BMAL2: variants seen among roughly 807,000 people sequenced by gnomAD.
BMAL2 encodes the protein basic helix-loop-helix ARNT-like protein 2.
the BMAL2 span, among the ~76,000 whole-genome samples, chr12:27,392,004 G>C: frequency 6.6e-6 from 1 of 152,180 alleles, no homozygotes; most frequent in Admixed American, 6.5e-5. Context: ...CTTGCTAGCT[G>C]TGTGATCGTA....
At chr12:27,408,228 C>T in the BMAL2 span, among the ~76,000 whole-genome samples, 2 of 152,144 alleles carry the variant, frequency 1.3e-5, no homozygotes, top group Non-Finnish European at 2.9e-5. Context: ...AGGGAATCCT[C>T]CCTAACTAAT....
the BMAL2 span, among the ~76,000 whole-genome samples, chr12:27,408,566 A>G: frequency 2.6e-5 from 4 of 152,236 alleles, no homozygotes; most frequent in African/African-American, 9.6e-5. Flanking sequence ...AAAACTCTCA[A>G]TAAATTGGAT....
At chr12:27,362,704 CTTTTTT>C in the BMAL2 span, among the ~76,000 whole-genome samples, 1 of 151,126 alleles carries the variant, frequency 6.6e-6, no homozygotes, top group Non-Finnish European at 1.5e-5. Context: ...ATTAGTTTTA[CTTTTTT>C]TTTAGTTTAC....
the BMAL2 span, among the ~76,000 whole-genome samples, chr12:27,398,331 A>T: frequency 6.6e-6 from 1 of 152,090 alleles, no homozygotes; most frequent in Non-Finnish European, 1.5e-5. Flanking sequence ...TCACCCCCAC[A>T]CACATTTGGG....
At chr12:27,351,161 T>G in the BMAL2 span, among the ~76,000 whole-genome samples, 16 of 152,046 alleles carry the variant, frequency 1.1e-4, no homozygotes, top group Non-Finnish European at 2.4e-4. Flanking sequence ...GCTAACTTTT[T>G]GTATTTTGTA....
At chr12:27,345,965 A>G in the BMAL2 span, among the ~76,000 whole-genome samples, 2 of 152,240 alleles carry the variant, frequency 1.3e-5, no homozygotes, top group Non-Finnish European at 2.9e-5. Context: ...TTAAAAGGGA[A>G]TAATTATAGT....
the BMAL2 span, among the ~76,000 whole-genome samples, chr12:27,387,049 T>C: frequency 6.6e-6 from 1 of 151,094 alleles, no homozygotes; most frequent in African/African-American, 2.5e-5. Context: ...CTTGACACTC[T>C]TTATAAATCT....
At chr12:27,341,495 C>T in the BMAL2 span, among the ~76,000 whole-genome samples, 5 of 152,296 alleles carry the variant, frequency 3.3e-5, no homozygotes, top group East Asian at 3.9e-4. Flanking sequence ...AGCTTTTTGA[C>T]GTGCTGCTGG....
At chr12:27,396,643 A>G in the BMAL2 span, among the ~76,000 whole-genome samples, 2 of 152,144 alleles carry the variant, frequency 1.3e-5, no homozygotes, top group Admixed American at 1.3e-4. Context: ...CAGGATGTTC[A>G]CTCCCACGCC....
At chr12:27,333,444 G>C in the BMAL2 span, among the ~76,000 whole-genome samples, 1 of 152,240 alleles carries the variant, frequency 6.6e-6, no homozygotes, top group African/African-American at 2.4e-5. Context: ...GGGAGCATCC[G>C]CCTCCACCCA....
chr12:27,350,900 G>A, the BMAL2 span, among the ~76,000 whole-genome samples: 7 of 151,470 alleles, frequency 4.6e-5, no homozygotes, highest in Middle Eastern at 3.4e-3. Context: ...GGCTGGTCTC[G>A]AACTCCTGAC....
chr12:27,415,927 C>G, the BMAL2 span: 1 of 1,601,708 alleles, frequency 6.2e-7, no homozygotes, highest in Non-Finnish European at 8.5e-7. Context: ...GAAAGATACT[C>G]ATACTGTAAA....
chr12:27,345,007 C>T, the BMAL2 span, among the ~76,000 whole-genome samples: 1 of 152,214 alleles, frequency 6.6e-6, no homozygotes, highest in Non-Finnish European at 1.5e-5. Flanking sequence ...CTCTCTTGGT[C>T]ATTCCTGTTC....
chr12:27,399,009 G>C, the BMAL2 span, among the ~76,000 whole-genome samples: 1 of 152,150 alleles, frequency 6.6e-6, no homozygotes, highest in African/African-American at 2.4e-5. Flanking sequence ...TGAACTGCCT[G>C]GGTTGATCGT....
the BMAL2 span, among the ~76,000 whole-genome samples, chr12:27,368,730 T>A: frequency 6.6e-6 from 1 of 152,296 alleles, no homozygotes; most frequent in African/African-American, 2.4e-5. Flanking sequence ...GGAAAACACC[T>A]TGGATGTTTG....
chr12:27,376,263 C>T, the BMAL2 span: 8 of 1,246,280 alleles, frequency 6.4e-6, no homozygotes, highest in African/African-American at 1.5e-5. Context: ...ATTGATTGGA[C>T]TTAATCTCAC....
At chr12:27,415,860 T>C in the BMAL2 span, 3 of 1,584,196 alleles carry the variant, frequency 1.9e-6, no homozygotes, top group African/African-American at 4.1e-5. Flanking sequence ...TATGTATCAC[T>C]TTTTAAAGGT....
chr12:27,420,307 A>G, the BMAL2 span: 1 of 1,546,304 alleles, frequency 6.5e-7, no homozygotes, highest in Non-Finnish European at 8.8e-7. Flanking sequence ...GCCATTTTTT[A>G]TCACAATCAT....
At chr12:27,412,682 C>A in the BMAL2 span, among the ~76,000 whole-genome samples, 6 of 151,330 alleles carry the variant, frequency 4.0e-5, no homozygotes, top group Non-Finnish European at 8.8e-5. Context: ...AGGCAAAGAG[C>A]TTATTAAAAA....
Sources: allele counts gnomAD v4.1 joint callset (sites outside exome capture counted in the v4.1 genomes callset), GRCh38; gene constraint gnomAD v4.1.1; transcripts MANE v1.5; gene names NCBI Gene and HGNC (gene_info 2026-07-23, HGNC 2026-07-21).